Variants in NPAS3 observed in about 807,000 individuals in gnomAD.
The protein encoded by NPAS3 is neuronal PAS domain protein 3.
A neutral mutation model predicts 73.1 loss-of-function variants in NPAS3; 14 were observed. That is an observed-to-expected ratio of 0.19 (90% confidence interval 0.13 to 0.30). The LOEUF is 0.30. Ranked by LOEUF, NPAS3 falls within the 10% of genes least tolerant of loss-of-function variation. The pLI is 1.00. For synonymous variants in NPAS3, 620 were observed against 541.5 expected, an observed-to-expected ratio of 1.14 and a Z score of -2.01; for missense variants, 1,096 against 1,250.0, an observed-to-expected ratio of 0.88 and a Z score of 1.86.
chr14:33,532,612 C>T (rs1404030570), intron 4 of NPAS3, among the ~76,000 whole-genome samples: 1 of 152,104 alleles, frequency 6.6e-6, no homozygotes, highest in East Asian at 1.9e-4. Context: ...TGGAAGTTCT[C>T]TCTTTCTGTG....
chr14:33,117,194 C>A (rs1472261678), intron 2 of NPAS3, among the ~76,000 whole-genome samples: 1 of 151,828 alleles, frequency 6.6e-6, no homozygotes, highest in Non-Finnish European at 1.5e-5. Flanking sequence ...TTTATCATTT[C>A]TTGGTGGTGG....
At chr14:33,100,251 TC>T (rs1394156186) in intron 2 of NPAS3, among the ~76,000 whole-genome samples, 1 of 152,178 alleles carries the variant, frequency 6.6e-6, no homozygotes, top group Non-Finnish European at 1.5e-5. Context: ...GGTAGGTTTT[TC>T]TTGTGCTGAA....
At chr14:33,704,380 A>T (rs1456760079) in intron 6 of NPAS3, among the ~76,000 whole-genome samples, 1 of 152,246 alleles carries the variant, frequency 6.6e-6, no homozygotes, top group Non-Finnish European at 1.5e-5. Context: ...GGATTAACCA[A>T]GTACATCACT....
chr14:33,082,208 C>T (rs1461315444), intron 2 of NPAS3, among the ~76,000 whole-genome samples: 3 of 152,040 alleles, frequency 2.0e-5, no homozygotes, highest in Non-Finnish European at 4.4e-5. Context: ...CTCCTAGAAA[C>T]AATCACATTT....
chr14:33,025,738 T>C (rs943991899), intron 1 of NPAS3, among the ~76,000 whole-genome samples: 4 of 152,154 alleles, frequency 2.6e-5, no homozygotes, highest in Non-Finnish European at 5.9e-5. Context: ...CCTTCATTCT[T>C]TCTCTCTCCT....
At chr14:33,722,416 A>G (rs2061140685) in intron 6 of NPAS3, among the ~76,000 whole-genome samples, 1 of 152,280 alleles carries the variant, frequency 6.6e-6, no homozygotes, top group South Asian at 2.1e-4. Context: ...GATTTTTTTA[A>G]TGACTGCTTT....
At chr14:33,311,210 A>G (rs1241854322) in intron 3 of NPAS3, among the ~76,000 whole-genome samples, 1 of 152,104 alleles carries the variant, frequency 6.6e-6, no homozygotes, top group East Asian at 1.9e-4. Flanking sequence ...TCCTTTGGCA[A>G]AGTGCTCTCA....
intron 4 of NPAS3, among the ~76,000 whole-genome samples, chr14:33,448,013 T>C (rs112458724): frequency 0.014 from 2,160 of 152,314 alleles, 28 homozygotes; most frequent in Middle Eastern, 0.058. Context: ...AGGGAACAGT[T>C]AGCCTCCAGC....
intron 1 of NPAS3, among the ~76,000 whole-genome samples, chr14:32,992,541 C>G (rs375468319): frequency 1.3e-5 from 2 of 152,116 alleles, no homozygotes; most frequent in African/African-American, 4.8e-5. Flanking sequence ...TGTCCTAGAG[C>G]CTGGCATAAG....
intron 2 of NPAS3, among the ~76,000 whole-genome samples, chr14:33,177,110 A>ATTATTATTAT (rs1595614884): frequency 7.8e-6 from 1 of 128,588 alleles, no homozygotes; most frequent in African/African-American, 3.4e-5. Flanking sequence ...TATTATTATT[A>ATTATTATTAT]TCTTTGAGAC....
chr14:33,212,882 A>G (rs1224003679), intron 2 of NPAS3, among the ~76,000 whole-genome samples: 2 of 152,240 alleles, frequency 1.3e-5, no homozygotes, highest in Non-Finnish European at 2.9e-5. Flanking sequence ...AACTACTTTT[A>G]TAATTGTCTG....
chr14:33,001,916 C>T (rs1439867255), intron 1 of NPAS3, among the ~76,000 whole-genome samples: 1 of 152,224 alleles, frequency 6.6e-6, no homozygotes, highest in African/African-American at 2.4e-5. Flanking sequence ...TTCCTACCCT[C>T]ATTTCTGACA....
At chr14:33,784,745 ATT>A (rs1226491375) in intron 9 of NPAS3, among the ~76,000 whole-genome samples, 6 of 73,862 alleles carry the variant, frequency 8.1e-5, no homozygotes, top group African/African-American at 3.7e-4. Flanking sequence ...TTATTTATTT[ATT>A]TTTTTTTTTT....
intron 3 of NPAS3, among the ~76,000 whole-genome samples, chr14:33,344,035 G>A (rs954672773): frequency 1.3e-5 from 2 of 152,188 alleles, no homozygotes; most frequent in African/African-American, 2.4e-5. Context: ...TTGTGACGCA[G>A]AACTGGGTCA....
At chr14:33,680,991 T>C (rs574286250) in intron 6 of NPAS3, 86 of 220,280 alleles carry the variant, frequency 3.9e-4, no homozygotes, top group African/African-American at 1.8e-3. Flanking sequence ...GCCAGCAAAA[T>C]GGAAACAGTA....
At chr14:33,655,050 T>C in intron 5 of NPAS3, among the ~76,000 whole-genome samples, 1 of 152,192 alleles carries the variant, frequency 6.6e-6, no homozygotes, top group Admixed American at 6.5e-5. Context: ...TGTAACTGCC[T>C]CCACTGTACG....
intron 2 of NPAS3, among the ~76,000 whole-genome samples, chr14:33,190,191 A>G (rs1333629244): frequency 1.3e-5 from 2 of 152,214 alleles, no homozygotes; most frequent in African/African-American, 4.8e-5. Flanking sequence ...TATTCATCCA[A>G]TGAAATATTG....
At chr14:33,590,248 T>C (rs546548519) in intron 5 of NPAS3, among the ~76,000 whole-genome samples, 1 of 152,210 alleles carries the variant, frequency 6.6e-6, no homozygotes, top group Non-Finnish European at 1.5e-5. Flanking sequence ...AATCCTGGCA[T>C]TTCACAATAA....
intron 4 of NPAS3, among the ~76,000 whole-genome samples, chr14:33,506,468 ATTG>A (rs1338112110): frequency 6.6e-6 from 1 of 152,048 alleles, no homozygotes; most frequent in Non-Finnish European, 1.5e-5. Context: ...ATTTACATGT[ATTG>A]TTGTTTTCAT....
Sources: allele counts gnomAD v4.1 joint callset (sites outside exome capture counted in the v4.1 genomes callset), GRCh38; gene constraint gnomAD v4.1.1; transcripts MANE v1.5; gene names NCBI Gene and HGNC (gene_info 2026-07-23, HGNC 2026-07-21).